Variants in NR2C2 observed in about 807,000 individuals in gnomAD.
NR2C2 encodes Nuclear hormone receptor TR4.
A neutral mutation model predicts 62.9 loss-of-function variants in NR2C2; 6 were observed. The observed-to-expected ratio is 0.10, with a 90% CI of 0.05 to 0.19. The LOEUF (loss-of-function observed/expected upper bound fraction) is 0.19, where lower values mean the gene tolerates loss of function less well. NR2C2 is among the 10% of genes least tolerant of loss of function. NR2C2 has a pLI of 1.00. For synonymous variants in NR2C2, 272 were observed against 273.8 expected, an observed-to-expected ratio of 0.99 and a Z score of 0.07; for missense variants, 479 against 762.7, an observed-to-expected ratio of 0.63 and a Z score of 4.38.
Position 15,032,480 on chromosome 3 carries a change from C to G in NR2C2, c.1212C>G (p.Ile404Met). The G allele has an allele frequency of 6.2e-7, 1 of 1,614,220 alleles. No individual in the cohort carries two copies. Among genetic ancestry groups the G allele is most frequent in the Non-Finnish European group, 8.5e-7 (1 of 1,180,050 alleles). ...TCTCAATGCACTGGGCTCGGTCAAT[C>G]CCAGCCTTTCAGGCACTTGGGTAAG... is the stretch of plus-strand genomic sequence containing the variant. ...LFLSMHWARS[I>M]PAFQALGQDC... Residue 404 changes from isoleucine (I) to methionine (M), a missense_variant, in exon 10 of 14, where the codon ATC (isoleucine) becomes ATG (methionine). Ile to Met is a conservative substitution (Grantham distance 10). Around this residue, in one of 4 missense-constraint regions of NR2C2, gnomAD observed 162 missense variants for 296.8 expected, o/e 0.55. Transcript: ENST00000425241.
chr3:14,986,553 A>T (rs754576538), intron 1 of NR2C2, among the ~76,000 whole-genome samples: 24 of 152,170 alleles, frequency 1.6e-4, no homozygotes, highest in Non-Finnish European at 2.9e-4. Context: ...TGCCAAAATG[A>T]TTTCTTACGG....
intron 7 of NR2C2, among the ~76,000 whole-genome samples, chr3:15,028,139 C>G (rs532125189): frequency 6.6e-6 from 1 of 152,316 alleles, no homozygotes; most frequent in South Asian, 2.1e-4. Flanking sequence ...GGATTACAGG[C>G]ATGAGCCACT....
chr3:15,012,842 C>G (rs939802915), intron 2 of NR2C2, among the ~76,000 whole-genome samples: 1 of 152,198 alleles, frequency 6.6e-6, no homozygotes, highest in Admixed American at 6.5e-5. Context: ...TGCAATTAGA[C>G]AAGGACTGTG....
At chr3:14,992,430 T>A (rs1574972617) in intron 1 of NR2C2, among the ~76,000 whole-genome samples, 1 of 152,050 alleles carries the variant, frequency 6.6e-6, no homozygotes, top group East Asian at 1.9e-4. Context: ...CTAGGCAGAG[T>A]CCCAGGATCA....
chr3:15,004,320 G>C (rs1289252049), intron 2 of NR2C2, among the ~76,000 whole-genome samples: 1 of 152,156 alleles, frequency 6.6e-6, no homozygotes, highest in Non-Finnish European at 1.5e-5. Context: ...ACTTAGCTTT[G>C]TTGACCTTGG....
At chr3:14,981,599 T>C (rs2040370372) in intron 1 of NR2C2, among the ~76,000 whole-genome samples, 1 of 110,172 alleles carries the variant, frequency 9.1e-6, no homozygotes, top group African/African-American at 4.1e-5. Context: ...CGAGGCTCTG[T>C]CTCAAAAAAA....
chr3:15,009,851 C>T (rs1401838729), intron 2 of NR2C2, among the ~76,000 whole-genome samples: 1 of 152,196 alleles, frequency 6.6e-6, no homozygotes, highest in African/African-American at 2.4e-5. Flanking sequence ...TTCCTTGCCT[C>T]TTCCTACCTT....
chr3:15,029,884 A>G (rs1324018037), intron 8 of NR2C2, among the ~76,000 whole-genome samples: 3 of 152,024 alleles, frequency 2.0e-5, no homozygotes, highest in Non-Finnish European at 4.4e-5. Context: ...GAAAAAGAGA[A>G]AGAGACAAAG....
At chr3:14,991,122 A>T (rs1321717060) in intron 1 of NR2C2, among the ~76,000 whole-genome samples, 1 of 152,190 alleles carries the variant, frequency 6.6e-6, no homozygotes, top group Non-Finnish European at 1.5e-5. Flanking sequence ...TAAAATCTCT[A>T]TTGCCAACTG....
In NR2C2 at chr3:15,011,222, TC is replaced by T. The variant is rs565008137; in HGVS notation, c.73-2366del. Reference sequence around the variant, plus strand: ...GGTGTGGTGGCACGCGCCTGTGGTCTCAGCTACACAGAAGGCCAAAGCAGAA... The same window carrying T: ...GGTGTGGTGGCACGCGCCTGTGGTCTAGCTACACAGAAGGCCAAAGCAGAA... On this transcript the variant is annotated intron_variant, in intron 2 of 13. Transcript: ENST00000425241. Among the ~76,000 whole-genome samples, 386 of 152,266 alleles carry T rather than the reference TC, an allele frequency of 2.5e-3. 1 individual carries two copies. Among genetic ancestry groups the T allele is most frequent in the Non-Finnish European group, 3.6e-3 (245 of 68,016 alleles).
At position 15,032,972 on chromosome 3, in the gene NR2C2, C is replaced by CG. The variant is rs568993863; in HGVS notation, c.1232+472_1232+473insG. ...TGTCATCTCTACAGGAAACCCCCCC[C>CG]CCTTTTCTTGCTTTCTTGAGTACCA... On this transcript the variant is annotated intron_variant, in intron 10 of 13. Coordinates refer to ENST00000425241, the MANE Select transcript of NR2C2 (RefSeq NM_001291694.2). Among the ~76,000 whole-genome samples, 137 of 151,706 alleles carry CG rather than the reference C, an allele frequency of 9.0e-4. 1 individual carries two copies. Among genetic ancestry groups the CG allele is most frequent in the Non-Finnish European group, 1.5e-3 (104 of 67,930 alleles).
intron 9 of NR2C2, among the ~76,000 whole-genome samples, chr3:15,032,023 C>T (rs138905055): frequency 0.011 from 1,660 of 152,220 alleles, 26 homozygotes; most frequent in African/African-American, 0.037. Context: ...GCCACCCGCA[C>T]CTGGCCCCTG....
chr3:14,983,257 T>C (rs2040424062), intron 1 of NR2C2, among the ~76,000 whole-genome samples: 1 of 152,202 alleles, frequency 6.6e-6, no homozygotes, highest in Admixed American at 6.5e-5. Flanking sequence ...CCACTACCCT[T>C]CCTAGCCTCG....
Position 15,047,121 on chromosome 3 carries a change from A to G in NR2C2, c.*4113A>G, listed in dbSNP as rs2042484434. 1 of 152,670 alleles carries G rather than the reference A, an allele frequency of 6.6e-6. No homozygotes were observed. The highest frequency in any genetic ancestry group is 2.4e-5 in the African/African-American group (1 of 41,464). 9.5% of individuals were successfully genotyped at this position (152,670 alleles called of 1,614,324 possible). A position where few individuals can be genotyped will look rare whatever the true frequency, so the allele number is the denominator to read the frequency against. On this transcript the variant is annotated 3_prime_UTR_variant, in exon 14 of 14. Coordinates refer to ENST00000425241, the MANE Select transcript of NR2C2 (RefSeq NM_001291694.2). ...AGTGTGTGTATGTGTACATAGATGT[A>G]TATTATGTATACAGACATGTATCCA... is the stretch of plus-strand genomic sequence containing the variant.
intron 2 of NR2C2, among the ~76,000 whole-genome samples, chr3:15,011,568 G>C (rs911105893): frequency 2.0e-5 from 3 of 152,022 alleles, no homozygotes; most frequent in African/African-American, 7.3e-5. Flanking sequence ...TATGTTTCTG[G>C]GGGACTCCGG....
rs1345433089 is a variant in NR2C2, at chr3:15,039,183, G to A, written c.1572G>A (p.Glu524=). Residue 524 remains glutamate, a synonymous_variant, in exon 13 of 14, where the codon GAG becomes GAA. Coordinates refer to ENST00000425241, the MANE Select transcript of NR2C2 (RefSeq NM_001291694.2). ...AATTCCAAGAAAAGGCACAGATGGA[G>A]TTGCAGGACTATGTTCAGAAAACCT... The part of the protein sequence containing the change: ...IEKFQEKAQM[E]LQDYVQKTYS... 3 of 1,614,062 alleles carry A rather than the reference G, an allele frequency of 1.9e-6. No individual in the cohort carries two copies. The highest frequency in any genetic ancestry group is 1.1e-5 in the South Asian group (1 of 91,086).
chr3:14,970,049 A>G (rs1196988396), intron 1 of NR2C2, among the ~76,000 whole-genome samples: 1 of 152,202 alleles, frequency 6.6e-6, no homozygotes, highest in African/African-American at 2.4e-5. Flanking sequence ...TTTCTTGTCA[A>G]AGTAGTACAT....
intron 1 of NR2C2, among the ~76,000 whole-genome samples, chr3:14,991,918 C>T (rs894754631): frequency 4.6e-5 from 7 of 151,784 alleles, no homozygotes; most frequent in South Asian, 4.2e-4. Flanking sequence ...TGCAGGCATG[C>T]GACACCACGC....
At chr3:14,973,325 A>G (rs1445297212) in intron 1 of NR2C2, among the ~76,000 whole-genome samples, 3 of 152,008 alleles carry the variant, frequency 2.0e-5, no homozygotes, top group Non-Finnish European at 2.9e-5. Flanking sequence ...TCCTGGGCTC[A>G]AGCAGTTCTC....
Sources: allele counts gnomAD v4.1 joint callset (sites outside exome capture counted in the v4.1 genomes callset), GRCh38; gene constraint gnomAD v4.1.1; regional missense constraint gnomAD v4.1.1; transcripts MANE v1.5; gene names NCBI Gene and HGNC (gene_info 2026-07-23, HGNC 2026-07-21).